CFAP47: variants seen among roughly 807,000 people sequenced by gnomAD.
CFAP47 encodes the protein cilia- and flagella-associated protein 47.
Under a neutral mutation model 148.1 loss-of-function variants are expected in CFAP47, and 29 were observed. That is an observed-to-expected ratio of 0.20 (90% CI 0.15 to 0.27). The LOEUF (loss-of-function observed/expected upper bound fraction) is 0.27, where lower values mean the gene tolerates loss of function less well. CFAP47 is among the 10% of genes least tolerant of loss of function. CFAP47 has a pLI of 1.00. For missense variants in CFAP47, 1,872 were observed against 1,697.5 expected, an observed-to-expected ratio of 1.10 and a Z score of -1.81; for synonymous variants, 664 against 577.3, an observed-to-expected ratio of 1.15 and a Z score of -2.15.
At chrX:36,049,507 C>G (rs1937507184) in intron 26 of CFAP47, among the ~76,000 whole-genome samples, 1 of 109,482 alleles carries the variant, frequency 9.1e-6, no homozygotes, top group Non-Finnish European at 1.9e-5. Context: ...CACACACACA[C>G]ACACACACAC....
chrX:36,361,953 T>G (rs1039095916), intron 61 of CFAP47, among the ~76,000 whole-genome samples: 1 of 112,028 alleles, frequency 8.9e-6, no homozygotes, highest in African/African-American at 3.2e-5. Flanking sequence ...CTTAGTAAGA[T>G]ATAAGTGAAT....
intron 29 of CFAP47, among the ~76,000 whole-genome samples, chrX:36,073,641 A>G (rs1937796409): frequency 9.0e-6 from 1 of 110,706 alleles, no homozygotes; most frequent in African/African-American, 3.3e-5. Flanking sequence ...CTCATCTGTG[A>G]TATGAGGAAG....
At chrX:36,174,574 G>C (rs1361914967) in intron 39 of CFAP47, among the ~76,000 whole-genome samples, 1 of 108,490 alleles carries the variant, frequency 9.2e-6, no homozygotes, top group Non-Finnish European at 1.9e-5. Flanking sequence ...TAGTTTGGCT[G>C]GATATGAAAT....
Position 35,975,247 on chromosome X carries a change from A to G in CFAP47, c.2355A>G (p.Leu785=). ...NMLPMHVLLQ[L]DTDLEELQKT... The stretch of plus-strand genomic sequence containing the variant: ...TACCTATGCATGTTTTGCTCCAGTT[A>G]GATACTGATTTAGAAGAACTTCAGA... The change falls in exon 14 of 64, where the codon TTA becomes TTG. Residue 785 remains leucine, a synonymous_variant. Coordinates refer to ENST00000378653, the MANE Select transcript of CFAP47 (RefSeq NM_001304548.2). 4.2e-6 allele frequency: 5 copies of G among 1,197,013 alleles called. No individual in the cohort carries two copies. The highest frequency in any genetic ancestry group is 3.4e-6 in the Non-Finnish European group (3 of 882,678).
At chrX:36,165,950 TAC>T (rs1939483898) in intron 39 of CFAP47, among the ~76,000 whole-genome samples, 1 of 111,622 alleles carries the variant, frequency 9.0e-6, no homozygotes, top group African/African-American at 3.3e-5. Flanking sequence ...TTTCTCCAAA[TAC>T]AGTCACATTT....
chrX:35,994,677 A>G (rs1208838196), intron 18 of CFAP47, among the ~76,000 whole-genome samples: 1 of 111,364 alleles, frequency 9.0e-6, no homozygotes, highest in African/African-American at 3.3e-5. Context: ...TTTAAACACA[A>G]TATCTGGGAA....
chrX:36,085,119 A>T (rs768119137), intron 29 of CFAP47, among the ~76,000 whole-genome samples, 195 bp from the exon 30 acceptor site: 4 of 111,491 alleles, frequency 3.6e-5, no homozygotes, highest in Non-Finnish European at 7.6e-5. Context: ...TTTAAATGAG[A>T]TACTGGAAAT....
chrX:36,185,161 C>T (rs782743860), intron 40 of CFAP47, among the ~76,000 whole-genome samples: 3 of 110,389 alleles, frequency 2.7e-5, no homozygotes, highest in South Asian at 3.9e-4. Flanking sequence ...CTGGCAGGTT[C>T]GGTGTCTGGT....
At chrX:36,139,775 A>T (rs5972023) in intron 35 of CFAP47, among the ~76,000 whole-genome samples, 10,985 of 111,331 alleles carry the variant, frequency 0.099, 1,067 homozygotes, top group African/African-American at 0.3. Context: ...GCCCAAAATG[A>T]TATCTTACAC....
At chrX:35,937,336 A>G (rs1601886427) in intron 2 of CFAP47, among the ~76,000 whole-genome samples, 2 of 108,274 alleles carry the variant, frequency 1.8e-5, no homozygotes, top group Admixed American at 2.0e-4. Context: ...TTTGATCCAG[A>G]AAAAGAATGA....
At chrX:36,166,741 C>T (rs1939495090) in intron 39 of CFAP47, among the ~76,000 whole-genome samples, 1 of 111,514 alleles carries the variant, frequency 9.0e-6, no homozygotes, top group South Asian at 3.7e-4. Context: ...CTGCCCCAGG[C>T]TTGCTAATGT....
chrX:36,152,956 AT>A (rs1170908209), intron 37 of CFAP47, among the ~76,000 whole-genome samples: 1 of 110,998 alleles, frequency 9.0e-6, no homozygotes, highest in Non-Finnish European at 1.9e-5. Flanking sequence ...TGAAGAATAT[AT>A]TCATTCCATC....
chrX:36,218,076 A>G (rs987916202), intron 45 of CFAP47, among the ~76,000 whole-genome samples: 1 of 108,259 alleles, frequency 9.2e-6, no homozygotes, highest in Non-Finnish European at 1.9e-5. Flanking sequence ...GCACATTCAT[A>G]CTAATTTGCA....
chrX:36,372,523 C>G (rs1209679564), intron 62 of CFAP47, among the ~76,000 whole-genome samples: 1 of 111,655 alleles, frequency 9.0e-6, no homozygotes, highest in Non-Finnish European at 1.9e-5. Flanking sequence ...TGCATTTACA[C>G]AAACCTAGAT....
intron 50 of CFAP47, among the ~76,000 whole-genome samples, chrX:36,280,997 A>C (rs1488830904): frequency 8.9e-6 from 1 of 112,374 alleles, no homozygotes; most frequent in African/African-American, 3.2e-5. Context: ...AGATACTAGC[A>C]ATCTTCCTCA....
At chrX:36,170,667 G>A (rs1407487090) in intron 39 of CFAP47, among the ~76,000 whole-genome samples, 2 of 107,788 alleles carry the variant, frequency 1.9e-5, no homozygotes, top group African/African-American at 6.8e-5. Context: ...TGGTGTATAT[G>A]TGCCACATTT....
chrX:36,047,095 C>G, intron 26 of CFAP47, 32 bp downstream of exon 26: 3 of 924,639 alleles, frequency 3.2e-6, no homozygotes, highest in South Asian at 2.2e-5. Context: ...TATTTTGTAT[C>G]TGACATTAAA....
chrX:35,966,725 C>A lies in CFAP47; in HGVS notation c.1571C>A (p.Thr524Asn). Residue 524 changes from threonine to asparagine, a missense_variant, in exon 9 of 64, where the codon ACC becomes AAC. Transcript: ENST00000378653. Reference protein sequence around the residue: ...LAFNSICKASTKKVVMKFDPG... With the variant: ...LAFNSICKASNKKVVMKFDPG... ...TTCAACAGCATCTGTAAAGCTTCCA[C>A]CAAGAAAGTTGTGATGAAATTTGAT... 1.7e-6 allele frequency: 2 copies of A among 1,147,135 alleles called. No individual in the cohort carries two copies. The highest frequency in any genetic ancestry group is 2.3e-6 in the Non-Finnish European group (2 of 859,787). The allele number at this position is 1,147,135 out of a possible 1,213,427, so 94.5% of individuals were successfully genotyped here.
At chrX:36,136,923 G>A in intron 33 of CFAP47, among the ~76,000 whole-genome samples, 1 of 111,481 alleles carries the variant, frequency 9.0e-6, no homozygotes, top group Non-Finnish European at 1.9e-5. Flanking sequence ...AAAATCCTTA[G>A]TGATCTGTGT....
Sources: allele counts gnomAD v4.1 joint callset (sites outside exome capture counted in the v4.1 genomes callset), GRCh38; gene constraint gnomAD v4.1.1; transcripts MANE v1.5; gene names NCBI Gene and HGNC (gene_info 2026-07-23, HGNC 2026-07-21).